ATL2: variants seen among roughly 807,000 people sequenced by gnomAD.
The protein encoded by ATL2 is atlastin GTPase 2.
In ATL2, 31 loss-of-function variants were observed where a neutral mutation model predicts 73.9. The ratio of observed to expected loss-of-function variants is 0.42; its 90% CI spans 0.32 to 0.57. ATL2 has a LOEUF of 0.57. Among genes scored for constraint, ATL2 ranks in the 20% least tolerant of loss-of-function variants. The pLI is 0.14. For missense variants in ATL2, 738 were observed against 702.6 expected (o/e 1.05, Z -0.57); for synonymous variants, 291 against 237.5 (o/e 1.23, Z -2.07).
chr2:38,317,554 A>G (rs1668091307), intron 4 of ATL2, among the ~76,000 whole-genome samples: 1 of 152,206 alleles, frequency 6.6e-6, no homozygotes, highest in Admixed American at 6.5e-5. Context: ...TCAGTTTATT[A>G]TTACATAAGC....
At chr2:38,340,117 A>T (rs1441577422) in intron 2 of ATL2, among the ~76,000 whole-genome samples, 1 of 143,674 alleles carries the variant, frequency 7.0e-6, no homozygotes, top group East Asian at 2.2e-4. Context: ...CGTAAAGTTC[A>T]AAAACAGTGA....
chr2:38,309,322 G>A (rs1443557500), intron 9 of ATL2, 57 bp downstream of exon 9: 2 of 1,491,812 alleles, frequency 1.3e-6, no homozygotes, highest in African/African-American at 1.4e-5. Flanking sequence ...ACATACAGAT[G>A]AGTTTTAAGT....
chr2:38,316,910 T>C (rs1668053299), intron 4 of ATL2, among the ~76,000 whole-genome samples: 1 of 152,088 alleles, frequency 6.6e-6, no homozygotes, highest in Admixed American at 6.6e-5. Context: ...ATCACAGCTG[T>C]GCCATCTTGC....
chr2:38,309,673 A>C (rs1667641046), intron 8 of ATL2, among the ~76,000 whole-genome samples, 167 bp from the exon 9 acceptor site: 1 of 152,128 alleles, frequency 6.6e-6, no homozygotes, highest in Non-Finnish European at 1.5e-5. Flanking sequence ...TCTCATAGGA[A>C]AAAATATAAT....
At chr2:38,301,278 C>A (rs367660828) in intron 9 of ATL2, among the ~76,000 whole-genome samples, 4 of 152,190 alleles carry the variant, frequency 2.6e-5, no homozygotes, top group African/African-American at 9.6e-5. Flanking sequence ...CTCATCTCAA[C>A]TTTCCACTGA....
intron 1 of ATL2, among the ~76,000 whole-genome samples, chr2:38,353,372 T>C (rs1376069019): frequency 2.0e-5 from 3 of 152,078 alleles, no homozygotes; most frequent in Non-Finnish European, 2.9e-5. Context: ...TTTGTAAACT[T>C]GCAAAGAGAT....
chr2:38,377,974 A>G (rs774571011), upstream of ATL2, among the ~76,000 whole-genome samples: 3 of 152,168 alleles, frequency 2.0e-5, no homozygotes, highest in Non-Finnish European at 4.4e-5. Flanking sequence ...TTGCAGAGGC[A>G]TGCCAGAAAG....
chr2:38,329,423 C>CAAA lies in ATL2; in HGVS notation c.364-10407_364-10405dup, dbSNP rs70954711. On this transcript the variant is annotated intron_variant, in intron 2 of 12. Transcript: ENST00000378954. ...AGGAGACAGAGCAAGACTCCATCTC[C>CAAA]AAAAAAAAAAAAAAAAAAAAAAAAA... Among the ~76,000 whole-genome samples, 20 of 13,668 alleles carry CAAA rather than the reference C, an allele frequency of 1.5e-3. 1 individual carries two copies. Among genetic ancestry groups the CAAA allele is most frequent in the Non-Finnish European group, 2.2e-3 (14 of 6,408 alleles). The allele number at this position is 13,668 out of a possible 152,430, so 9.0% of individuals were successfully genotyped here. A position where few individuals can be genotyped will look rare whatever the true frequency, so the allele number is the denominator to read the frequency against.
chr2:38,344,061 T>C (rs955961757), intron 1 of ATL2, among the ~76,000 whole-genome samples: 2 of 152,176 alleles, frequency 1.3e-5, no homozygotes, highest in African/African-American at 4.8e-5. Context: ...TACACCATTA[T>C]ACATACAGAT....
intron 1 of ATL2, among the ~76,000 whole-genome samples, chr2:38,365,753 C>G (rs1222586440): frequency 6.6e-6 from 1 of 151,914 alleles, no homozygotes; most frequent in Non-Finnish European, 1.5e-5. Context: ...GAGCAGAGAT[C>G]ATTCCTGGGT....
At chr2:38,342,384 G>A (rs1052688701) in intron 2 of ATL2, among the ~76,000 whole-genome samples, 2 of 152,156 alleles carry the variant, frequency 1.3e-5, no homozygotes, top group African/African-American at 2.4e-5. Context: ...GAGTTAGGAA[G>A]AGGATGTAAT....
intron 6 of ATL2, among the ~76,000 whole-genome samples, chr2:38,314,317 C>T (rs963964807): frequency 6.6e-6 from 1 of 152,118 alleles, no homozygotes; most frequent in Non-Finnish European, 1.5e-5. Context: ...GCATGACTGT[C>T]ATATATTTCC....
At chr2:38,363,914 T>C (rs575764889) in intron 1 of ATL2, among the ~76,000 whole-genome samples, 1 of 152,340 alleles carries the variant, frequency 6.6e-6, no homozygotes, top group Non-Finnish European at 1.5e-5. Context: ...AATAAAGACA[T>C]TCTGAAGACG....
intron 1 of ATL2, chr2:38,358,516 C>G (rs1670809856): frequency 6.8e-6 from 2 of 293,566 alleles, no homozygotes; most frequent in South Asian, 2.4e-5. Flanking sequence ...CAGGGAAACC[C>G]CGTCTCTATT....
intron 2 of ATL2, 80 bp downstream of exon 2, chr2:38,343,185 GTTC>G: frequency 2.0e-6 from 1 of 508,640 alleles, no homozygotes; most frequent in South Asian, 2.5e-5. Context: ...AAAAGATATA[GTTC>G]TGGTTTTTGT....
chr2:38,333,978 C>T lies in ATL2; in HGVS notation c.363+9290G>A, dbSNP rs535708198. On this transcript the variant is annotated intron_variant, in intron 2 of 12. Transcript: ENST00000378954. ...AAATCAAAGTCTCAGCAGCAGGGAC[C>T]CCAATATGCTAAGGGGAAGATAGTC... 8.6e-5 allele frequency among the ~76,000 whole-genome samples: 13 copies of T among 151,792 alleles called. No homozygotes were observed. The South Asian group carries it at 2.7e-3, about 32-fold the overall frequency.
intron 2 of ATL2, among the ~76,000 whole-genome samples, chr2:38,324,401 A>G (rs1668488151): frequency 6.6e-6 from 1 of 152,248 alleles, no homozygotes; most frequent in Admixed American, 6.5e-5. Context: ...ATCAGGAGAC[A>G]GGTTATGAAC....
chr2:38,318,369 C>T (rs1558403374), intron 4 of ATL2, 166 bp downstream of exon 4: 1 of 429,312 alleles, frequency 2.3e-6, no homozygotes, highest in African/African-American at 2.0e-5. Flanking sequence ...ATCTCAGCTA[C>T]TCGGGTTAGG....
In ATL2 at chr2:38,296,778, T is replaced by C. The variant is rs957244302; in HGVS notation, c.1633-665A>G. 4 of 1,542,866 alleles carry C rather than the reference T, an allele frequency of 2.6e-6. No individual in the cohort carries two copies. In the Middle Eastern group the frequency reaches 5.1e-4, roughly 195 times the overall value. On this transcript the variant is annotated intron_variant, in intron 12 of 12. Coordinates refer to ENST00000378954, the MANE Select transcript of ATL2 (RefSeq NM_001135673.4). ...ACAGCACAGATCTCTGACTAGCTGA[T>C]TACCTTACCTAAACTATACTGAAAA...
Sources: gnomAD v4.1 joint callset for allele counts (sites outside exome capture counted in the v4.1 genomes callset) on GRCh38, gnomAD v4.1.1 for gene constraint, MANE v1.5 for transcripts, NCBI Gene and HGNC (gene_info 2026-07-23, HGNC 2026-07-21) for gene names.